DOCK9: variants seen among roughly 807,000 people sequenced by gnomAD.
The protein encoded by DOCK9 is dedicator of cytokinesis protein 9.
Under a neutral mutation model 263.3 loss-of-function variants are expected in DOCK9, and 89 were observed. The observed-to-expected ratio is 0.34, with a 90% CI of 0.28 to 0.40. The LOEUF (loss-of-function observed/expected upper bound fraction) is 0.40, where lower values mean the gene tolerates loss of function less well. DOCK9 is among the 10% of genes least tolerant of loss of function. The probability of loss-of-function intolerance (pLI) is 1.00; values close to 1 mark genes in which losing one functional copy is unlikely to be tolerated. For missense variants in DOCK9, 2,140 were observed against 2,603.4 expected (o/e 0.82, Z 3.87); for synonymous variants, 976 against 973.1 (o/e 1.00, Z -0.06).
chr13:98,950,154 C>T, intron 2 of DOCK9: 1 of 636,050 alleles, frequency 1.6e-6, no homozygotes, highest in East Asian at 2.9e-5. Context: ...CCAGTGAAGT[C>T]ACACCATTAA....
chr13:98,978,874 T>C (rs1365643506), upstream of DOCK9, among the ~76,000 whole-genome samples: 3 of 152,136 alleles, frequency 2.0e-5, no homozygotes, highest in Non-Finnish European at 4.4e-5. Context: ...GGTGGTTTAG[T>C]AGCACCCAAA....
chr13:98,963,409 G>A (rs943805760), intron 1 of DOCK9, among the ~76,000 whole-genome samples: 2 of 152,208 alleles, frequency 1.3e-5, no homozygotes, highest in African/African-American at 4.8e-5. Flanking sequence ...CACAAACTGA[G>A]TTCAGTTCTG....
intron 1 of DOCK9, among the ~76,000 whole-genome samples, chr13:99,065,126 G>A (rs1351772586): frequency 1.3e-5 from 2 of 152,086 alleles, no homozygotes; most frequent in Non-Finnish European, 2.9e-5. Flanking sequence ...ACCTCACCTG[G>A]CCAGGGAGCT....
At chr13:98,937,386 G>C (rs1481287485) in intron 2 of DOCK9, among the ~76,000 whole-genome samples, 2 of 151,196 alleles carry the variant, frequency 1.3e-5, no homozygotes, top group Admixed American at 1.3e-4. Context: ...AAAAGAAAAA[G>C]AAAAAAAGAA....
chr13:98,906,227 T>C (rs371531586), intron 9 of DOCK9, among the ~76,000 whole-genome samples: 2 of 151,876 alleles, frequency 1.3e-5, no homozygotes, highest in Non-Finnish European at 2.9e-5. Context: ...TGGGAGTGGA[T>C]GAGATGTCCT....
intron 2 of DOCK9, 97 bp from the exon 3 acceptor site, chr13:98,930,354 C>T (rs1256583918): frequency 6.2e-6 from 6 of 972,870 alleles, no homozygotes; most frequent in Non-Finnish European, 9.6e-6. Context: ...GCCCTGGCAG[C>T]CACAGAGTCC....
intron 1 of DOCK9, among the ~76,000 whole-genome samples, chr13:99,014,738 G>A (rs1885112602): frequency 6.6e-6 from 1 of 152,192 alleles, no homozygotes; most frequent in African/African-American, 2.4e-5. Context: ...AAGGCATCCT[G>A]AGAGAGGAGG....
chr13:98,831,939 T>C, intron 39 of DOCK9, 153 bp from the exon 40 acceptor site: 1 of 901,412 alleles, frequency 1.1e-6, no homozygotes, highest in African/African-American at 1.7e-5. Flanking sequence ...AGTACAGAAT[T>C]CTTTTGTAGA....
chr13:98,988,249 G>A (rs1405540713), intron 1 of DOCK9, among the ~76,000 whole-genome samples: 1 of 152,076 alleles, frequency 6.6e-6, no homozygotes, highest in African/African-American at 2.4e-5. Context: ...AAATATACAA[G>A]AGCACTAAAA....
chr13:98,963,864 C>A (rs1474403545), intron 1 of DOCK9, among the ~76,000 whole-genome samples: 1 of 152,234 alleles, frequency 6.6e-6, no homozygotes, highest in East Asian at 1.9e-4. Context: ...AAGTGTGGGA[C>A]ACACAAGCCT....
At chr13:99,016,980 G>T (rs1885495942) in intron 1 of DOCK9, among the ~76,000 whole-genome samples, 1 of 152,142 alleles carries the variant, frequency 6.6e-6, no homozygotes, top group Non-Finnish European at 1.5e-5. Context: ...CATAATGTCT[G>T]TTTTCTATGA....
chr13:98,800,275 G>A lies in DOCK9; in HGVS notation c.5916+13C>T, dbSNP rs765652765. The A allele has an allele frequency of 3.2e-6, 5 of 1,585,058 alleles. No homozygotes were observed. The highest frequency in any genetic ancestry group is 1.8e-5 in the Admixed American group (1 of 55,520). ...GTCCCCTGCTGCCCTCCGGCCTGCT[G>A]TGCCTGGCTCACCTGAACACTCACG... On this transcript the variant is annotated intron_variant, in intron 50 of 52. Transcript: ENST00000682017.
chr13:98,916,453 G>A (rs1198241054), intron 7 of DOCK9, among the ~76,000 whole-genome samples: 5 of 152,124 alleles, frequency 3.3e-5, no homozygotes, highest in African/African-American at 9.7e-5. Context: ...ACAGCCCCCC[G>A]CATAGCCACT....
chr13:98,880,166 C>G (rs2044509051), intron 26 of DOCK9, among the ~76,000 whole-genome samples, 197 bp from the exon 27 acceptor site: 1 of 152,046 alleles, frequency 6.6e-6, no homozygotes. Flanking sequence ...CAACAAAGAG[C>G]TGCATCCTGC....
At chr13:98,946,745 C>T (rs1366671118) in intron 2 of DOCK9, among the ~76,000 whole-genome samples, 2 of 143,176 alleles carry the variant, frequency 1.4e-5, no homozygotes, top group South Asian at 2.1e-4. Flanking sequence ...CTGATTTCTT[C>T]TTTCTGTTTC....
intron 1 of DOCK9, among the ~76,000 whole-genome samples, chr13:99,028,733 A>G (rs1280162020): frequency 6.6e-6 from 1 of 152,226 alleles, no homozygotes; most frequent in Admixed American, 6.5e-5. Flanking sequence ...ACTACCTCCC[A>G]GAGATGGATA....
At position 98,829,089 on chromosome 13, in the gene DOCK9, T is replaced by A. The variant is rs1253668468; in HGVS notation, c.4965+218A>T. Among the ~76,000 whole-genome samples the A allele has an allele frequency of 6.6e-6, 1 of 152,214 alleles. No homozygotes were observed. The highest frequency in any genetic ancestry group is 1.5e-5 in the Non-Finnish European group (1 of 68,048). ...ATAGGTTTAAGAGCTTAAACAATGC[T>A]CTTTGTTGACAAAAATAACCCCTTA... On this transcript the variant is annotated intron_variant, in intron 43 of 52. Coordinates refer to ENST00000682017, the MANE Select transcript of DOCK9 (RefSeq NM_001366683.2). This position sits in a 1 kb window ranked among gnomAD's most constrained non-coding sequence, Gnocchi z 4.1.
intron 1 of DOCK9, among the ~76,000 whole-genome samples, chr13:98,973,007 G>T (rs1407752749): frequency 6.6e-6 from 1 of 152,198 alleles, no homozygotes; most frequent in East Asian, 1.9e-4. Flanking sequence ...TAGTGAAGGT[G>T]TATGGCTTTG....
At chr13:99,001,070 C>G (rs1882204669) in intron 1 of DOCK9, among the ~76,000 whole-genome samples, 2 of 152,230 alleles carry the variant, frequency 1.3e-5, no homozygotes, top group Admixed American at 6.5e-5. Context: ...ACTTACCTCT[C>G]AGCAAGGAAA....
Sources: allele counts gnomAD v4.1 joint callset (sites outside exome capture counted in the v4.1 genomes callset), GRCh38; gene constraint gnomAD v4.1.1; non-coding constraint Gnocchi (gnomAD v3.1); transcripts MANE v1.5; gene names NCBI Gene and HGNC (gene_info 2026-07-23, HGNC 2026-07-21).